The following MAGI1 variants were observed in gnomAD, a reference collection of about 807,000 sequenced individuals.
MAGI1 encodes the protein membrane associated guanylate kinase, WW and PDZ domain containing 1.
Under a neutral mutation model 139.9 loss-of-function variants are expected in MAGI1, and 58 were observed. The ratio of observed to expected loss-of-function variants is 0.41; its 90% CI spans 0.34 to 0.52. The LOEUF is 0.52. Among genes scored for constraint, MAGI1 ranks in the 20% least tolerant of loss-of-function variants. MAGI1 has a pLI of 0.12. For missense variants in MAGI1, 1,874 were observed against 1,901.6 expected (o/e 0.99, Z 0.27); for synonymous variants, 812 against 737.9 (o/e 1.10, Z -1.63).
At chr3:65,440,374 C>T (rs1273502708) in intron 8 of MAGI1, among the ~76,000 whole-genome samples, 3 of 152,142 alleles carry the variant, frequency 2.0e-5, no homozygotes, top group Non-Finnish European at 4.4e-5. Context: ...GGCATGCAAG[C>T]TCAGGGTTGC....
In MAGI1 at chr3:65,728,104, AG is replaced by A. The variant is rs534075415; in HGVS notation, c.314-106017del. On this transcript the variant is annotated intron_variant, in intron 1 of 22. Transcript: ENST00000402939. Reference sequence around the variant, plus strand: ...TGTCAGAATAGCATTTTCCACACTCAGGAAGGGTCTGGAAGTCTGGAAGGCT... The same window carrying A: ...TGTCAGAATAGCATTTTCCACACTCAGAAGGGTCTGGAAGTCTGGAAGGCT... 1.1e-4 allele frequency among the ~76,000 whole-genome samples: 16 copies of A among 152,306 alleles called. 1 individual carries two copies. The East Asian group carries it at 3.1e-3, about 29-fold the overall frequency.
intron 13 of MAGI1, among the ~76,000 whole-genome samples, chr3:65,399,063 T>G (rs762541019): frequency 6.6e-6 from 1 of 151,406 alleles, no homozygotes; most frequent in Non-Finnish European, 1.5e-5. Context: ...GCCAACATTG[T>G]CAGGAGCCTC....
intron 1 of MAGI1, among the ~76,000 whole-genome samples, chr3:65,713,990 A>G (rs1168428124): frequency 2.0e-5 from 3 of 152,200 alleles, no homozygotes. Context: ...AGCTCAAACA[A>G]AAAAATCATA....
At chr3:65,709,847 C>T (rs1048904741) in intron 1 of MAGI1, among the ~76,000 whole-genome samples, 2 of 152,202 alleles carry the variant, frequency 1.3e-5, no homozygotes, top group African/African-American at 2.4e-5. Context: ...CTAGCCTCTA[C>T]ATTAATTGAA....
At chr3:65,928,221 T>C (rs1486157946) in intron 1 of MAGI1, among the ~76,000 whole-genome samples, 2 of 152,178 alleles carry the variant, frequency 1.3e-5, no homozygotes, top group Non-Finnish European at 2.9e-5. Flanking sequence ...CTCCTCCCAA[T>C]ACTAGGTTCA....
chr3:65,501,116 T>A (rs1266911336), intron 2 of MAGI1, among the ~76,000 whole-genome samples: 1 of 152,048 alleles, frequency 6.6e-6, no homozygotes, highest in East Asian at 1.9e-4. Context: ...ATCCCTCAAA[T>A]CAAACTGCCT....
intron 2 of MAGI1, among the ~76,000 whole-genome samples, chr3:65,508,665 A>C (rs561880456): frequency 2.5e-4 from 38 of 152,216 alleles, no homozygotes; most frequent in Non-Finnish European, 3.4e-4. Flanking sequence ...AACTGGACCC[A>C]ATGTGAGTCC....
At chr3:65,792,548 A>ATAGCTAGCTATAT (rs1235035879) in intron 1 of MAGI1, among the ~76,000 whole-genome samples, 5 of 152,130 alleles carry the variant, frequency 3.3e-5, no homozygotes, top group African/African-American at 9.7e-5. Flanking sequence ...ATATATTGTT[A>ATAGCTAGCTATAT]TAGCTAGCTA....
At position 65,868,519 on chromosome 3, in the gene MAGI1, T is replaced by C. The variant is rs188185749; in HGVS notation, c.313+169477A>G. Among the ~76,000 whole-genome samples the C allele has an allele frequency of 1.6e-4, 24 of 152,304 alleles. No homozygotes were observed. The East Asian group carries it at 4.3e-3, about 27-fold the overall frequency. ...ACTCCCTGCACCCTGGAAAAATGCCTTAGTGTCTCATTGTATCAGTTATGG... is the reference window on the plus strand; with the variant it reads ...ACTCCCTGCACCCTGGAAAAATGCCCTAGTGTCTCATTGTATCAGTTATGG... On this transcript the variant is annotated intron_variant, in intron 1 of 22. Transcript: ENST00000402939.
At chr3:65,753,333 C>T (rs933011429) in intron 1 of MAGI1, among the ~76,000 whole-genome samples, 5 of 152,108 alleles carry the variant, frequency 3.3e-5, no homozygotes, top group African/African-American at 1.2e-4. Context: ...AGAAAAACAC[C>T]AATACGAAGC....
chr3:65,892,811 T>C (rs1236346480), intron 1 of MAGI1, among the ~76,000 whole-genome samples: 1 of 152,178 alleles, frequency 6.6e-6, no homozygotes, highest in Non-Finnish European at 1.5e-5. Context: ...CAGATTCTCA[T>C]GGGCTCTTCT....
intron 1 of MAGI1, among the ~76,000 whole-genome samples, chr3:65,634,488 C>T (rs146276280): frequency 2.6e-3 from 394 of 152,240 alleles, no homozygotes; most frequent in African/African-American, 8.4e-3. Context: ...TTGATTAGTT[C>T]AGATCGAGGC....
intron 1 of MAGI1, among the ~76,000 whole-genome samples, chr3:65,896,791 G>A (rs183409940): frequency 1.3e-5 from 2 of 152,284 alleles, no homozygotes; most frequent in Non-Finnish European, 2.9e-5. Flanking sequence ...AAAAGCAGGT[G>A]AGGCTTTTCT....
intron 10 of MAGI1, among the ~76,000 whole-genome samples, chr3:65,436,655 A>G (rs1947877309): frequency 6.6e-6 from 1 of 152,104 alleles, no homozygotes; most frequent in Admixed American, 6.6e-5. Flanking sequence ...TGAGTTTCAG[A>G]TTTATCTTTT....
intron 1 of MAGI1, among the ~76,000 whole-genome samples, chr3:65,972,496 C>A (rs192402974): frequency 7.9e-5 from 12 of 152,188 alleles, no homozygotes; most frequent in Non-Finnish European, 8.8e-5. Context: ...AACTTTGTTT[C>A]TATTATGTAA....
At position 65,812,445 on chromosome 3, in the gene MAGI1, T is replaced by TTC. The variant is rs530333757; in HGVS notation, c.314-190359_314-190358dup. On this transcript the variant is annotated intron_variant, in intron 1 of 22. Transcript: ENST00000402939. ...AATTTTATAAAATCTCTCTCTCTCT[T>TTC]TCTCTCTCTCTCTCTCTCTCTCTCA... 4.9e-3 allele frequency among the ~76,000 whole-genome samples: 639 copies of TTC among 130,616 alleles called. 4 individuals carry two copies. Among genetic ancestry groups the TTC allele is most frequent in the East Asian group, 0.012 (47 of 3,970 alleles). 85.7% of individuals were successfully genotyped at this position (130,616 alleles called of 152,430 possible).
At chr3:65,794,863 CACAAACTATCCGGGTA>C (rs2040021449) in intron 1 of MAGI1, among the ~76,000 whole-genome samples, 1 of 145,464 alleles carries the variant, frequency 6.9e-6, no homozygotes, top group East Asian at 2.0e-4. Flanking sequence ...AAAAAAAACC[CACAAACTATCCGGGTA>C]TAAGATGGGC....
chr3:65,904,185 AC>A (rs1311056599), intron 1 of MAGI1, among the ~76,000 whole-genome samples: 1 of 152,140 alleles, frequency 6.6e-6, no homozygotes, highest in Non-Finnish European at 1.5e-5. Context: ...AGACACCACT[AC>A]CCTGATGGCT....
chr3:65,425,133 C>CA (rs72130952), intron 12 of MAGI1, among the ~76,000 whole-genome samples: 3 of 74,832 alleles, frequency 4.0e-5, no homozygotes, highest in South Asian at 3.0e-4. Context: ...AAAAAAAAAA[C>CA]AAAAAAAAAC....
Sources: allele counts gnomAD v4.1 joint callset (sites outside exome capture counted in the v4.1 genomes callset), GRCh38; gene constraint gnomAD v4.1.1; transcripts MANE v1.5; gene names NCBI Gene and HGNC (gene_info 2026-07-23, HGNC 2026-07-21).